TOGARAM1: variants seen among roughly 807,000 people sequenced by gnomAD.
TOGARAM1 encodes the protein TOG array regulator of axonemal microtubules protein 1.
In TOGARAM1, 100 loss-of-function variants were observed where a neutral mutation model predicts 166.6. The ratio of observed to expected loss-of-function variants is 0.60; its 90% confidence interval spans 0.51 to 0.71. The LOEUF (loss-of-function observed/expected upper bound fraction) is 0.71. TOGARAM1 is among the 30% of genes least tolerant of loss of function. The pLI is 0.00. For synonymous variants in TOGARAM1, 758 were observed against 763.8 expected, an observed-to-expected ratio of 0.99 and a Z score of 0.13; for missense variants, 2,029 against 2,102.7, an observed-to-expected ratio of 0.96 and a Z score of 0.69.
chr14:44,985,667 T>G (rs1476761383), intron 1 of TOGARAM1, among the ~76,000 whole-genome samples: 1 of 152,232 alleles, frequency 6.6e-6, no homozygotes, highest in Non-Finnish European at 1.5e-5. Flanking sequence ...CATTTGAAGC[T>G]TTGCTCCCTT....
chr14:44,991,872 TA>T (rs1887153217), intron 1 of TOGARAM1, among the ~76,000 whole-genome samples: 1 of 151,920 alleles, frequency 6.6e-6, no homozygotes, highest in African/African-American at 2.4e-5. Context: ...TTGCATTTTT[TA>T]AATTTAATTT....
chr14:45,002,835 C>G (rs944468611), intron 3 of TOGARAM1, among the ~76,000 whole-genome samples: 5 of 152,002 alleles, frequency 3.3e-5, no homozygotes, highest in African/African-American at 7.2e-5. Flanking sequence ...AAAAACTAGC[C>G]GGACATGGTG....
At position 45,044,805 on chromosome 14, in the gene TOGARAM1, G is replaced by A. The variant is rs1189569054; in HGVS notation, c.4089G>A (p.Leu1363=). 2 of 1,614,052 alleles carry A rather than the reference G, an allele frequency of 1.2e-6. No homozygotes were observed. Among genetic ancestry groups the A allele is most frequent in the East Asian group, 2.2e-5 (1 of 44,854 alleles). ...TAAGAGAAGATGTTGACAAAGCATT[G>A]AGAGCTATGGTTAATAATGTAACTC... is the stretch of plus-strand genomic sequence containing the variant. ...TFIREDVDKA[L]RAMVNNVTPA... is the part of the protein sequence containing the mutation. Residue 1363 remains leucine, a synonymous_variant, in exon 13 of 20, where the codon TTG becomes TTA. Transcript: ENST00000361462.
intron 7 of TOGARAM1, 127 bp downstream of exon 7, chr14:45,012,202 C>T (rs1879848744): frequency 3.5e-6 from 2 of 567,946 alleles, no homozygotes; most frequent in South Asian, 6.8e-5. Flanking sequence ...CATTTTTTTA[C>T]TCCTTAAAAG....
chr14:45,021,085 C>G (rs1286760764), intron 7 of TOGARAM1, among the ~76,000 whole-genome samples: 1 of 152,018 alleles, frequency 6.6e-6, no homozygotes, highest in Non-Finnish European at 1.5e-5. Context: ...TGCTATGTAC[C>G]CGGGTCAGTT....
chr14:45,009,105 ACTT>A lies in TOGARAM1; in HGVS notation c.3103_3105del (p.Ser1035del), dbSNP rs757551695. The A allele has an allele frequency of 7.4e-6, 12 of 1,613,942 alleles. No homozygotes were observed. The South Asian group carries it at 7.7e-5, about 10-fold the overall frequency. ...TGGAGTTTACAGCCAAGAATCATTG[ACTT>A]CTTCTCTGTCTACAACTCCCCAGGG... is the stretch of plus-strand genomic sequence containing the variant. On this transcript the variant is annotated inframe_deletion, in exon 6 of 20. Transcript: ENST00000361462.
chr14:44,962,854 G>C lies in TOGARAM1; in HGVS notation c.433G>C (p.Val145Leu). The C allele has an allele frequency of 6.2e-7, 1 of 1,613,586 alleles. No individual in the cohort carries two copies. Among genetic ancestry groups the C allele is most frequent in the Non-Finnish European group, 8.5e-7 (1 of 1,180,044 alleles). ...GTATCGGGCACTGGGCCGAGTGCTT[G>C]TGGAAGGAGGTAGTGATGAGAAGCG... ...ALYRALGRVLVEGGSDEKRLC... is the reference protein window; with the variant it reads ...ALYRALGRVLLEGGSDEKRLC... The change falls in exon 1 of 20, where the codon GTG becomes CTG. Residue 145 changes from valine to leucine, a missense_variant. Physicochemically the swap from Val to Leu is conservative, Grantham distance 32. Transcript: ENST00000361462.
At chr14:45,016,838 A>C (rs1594658024) in intron 7 of TOGARAM1, among the ~76,000 whole-genome samples, 1 of 152,248 alleles carries the variant, frequency 6.6e-6, no homozygotes, top group Non-Finnish European at 1.5e-5. Context: ...ATAATGTTAT[A>C]GTTCCTAATA....
chr14:45,027,371 A>G lies in TOGARAM1; in HGVS notation c.3401A>G (p.Asp1134Gly). Residue 1134 changes from aspartate to glycine, a missense_variant, in exon 9 of 20, where the codon GAT becomes GGT. By Grantham distance (94) the Asp-to-Gly change is moderately conservative (BLOSUM62 -1). Around this residue, in one of 2 missense-constraint regions of TOGARAM1, gnomAD observed 1,453 missense variants for 1,432.2 expected, o/e 1.01. Transcript: ENST00000361462. Reference sequence around the variant, plus strand: ...GTGATATCTTCTGTGGAAAATGGGGATACATTTTCAATTAAACAAAGTATT... The same window carrying G: ...GTGATATCTTCTGTGGAAAATGGGGGTACATTTTCAATTAAACAAAGTATT... ...QSVISSVENG[D>G]TFSIKQSIEP... 6.2e-7 allele frequency: 1 copy of G among 1,613,524 alleles called. No homozygotes were observed. Among genetic ancestry groups the G allele is most frequent in the Non-Finnish European group, 8.5e-7 (1 of 1,179,674 alleles).
intron 1 of TOGARAM1, among the ~76,000 whole-genome samples, chr14:44,976,949 T>A (rs912090751): frequency 6.6e-6 from 1 of 152,174 alleles, no homozygotes; most frequent in African/African-American, 2.4e-5. Flanking sequence ...ATTAGTATTT[T>A]AAAAATACCA....
chr14:45,058,470 CT>C (rs1302408077), intron 16 of TOGARAM1, among the ~76,000 whole-genome samples: 1 of 151,806 alleles, frequency 6.6e-6, no homozygotes, highest in African/African-American at 2.4e-5. Context: ...AATTTTTGTA[CT>C]TTTAGTAGAG....
At chr14:45,004,971 G>A (rs907782460) in intron 4 of TOGARAM1, among the ~76,000 whole-genome samples, 2 of 151,712 alleles carry the variant, frequency 1.3e-5, no homozygotes, top group African/African-American at 4.8e-5. Flanking sequence ...TGCCCAGACT[G>A]GAGTGCAATG....
At chr14:45,058,087 G>A (rs1882726369) in intron 16 of TOGARAM1, among the ~76,000 whole-genome samples, 1 of 152,066 alleles carries the variant, frequency 6.6e-6, no homozygotes, top group Non-Finnish European at 1.5e-5. Context: ...TCTTTCTTTA[G>A]GTCTAGTAAA....
At chr14:44,977,568 C>G (rs9323106) in intron 1 of TOGARAM1, among the ~76,000 whole-genome samples, 1 of 151,990 alleles carries the variant, frequency 6.6e-6, no homozygotes, top group Non-Finnish European at 1.5e-5. Flanking sequence ...AAATTCATAG[C>G]TCTTCCTATG....
Position 45,027,444 on chromosome 14 carries a change from A to T in TOGARAM1, c.3474A>T (p.Ser1158=). The change falls in exon 9 of 20, where the codon TCA becomes TCT. Residue 1158 remains serine, a synonymous_variant. Coordinates refer to ENST00000361462, the MANE Select transcript of TOGARAM1 (RefSeq NM_001308120.2). ...IYGRSVQQNI[S]SYLDVENEKD... is the part of the protein sequence containing the mutation. ...GAAGATCAGTCCAGCAAAATATTTC[A>T]TCATATCTTGATGTTGAGAATGAAA... is the stretch of plus-strand genomic sequence containing the variant. The T allele has an allele frequency of 1.2e-6, 2 of 1,609,618 alleles. No homozygotes were observed. The highest frequency in any genetic ancestry group is 1.7e-6 in the Non-Finnish European group (2 of 1,178,410).
At chr14:45,013,709 C>T in intron 7 of TOGARAM1, among the ~76,000 whole-genome samples, 1 of 152,116 alleles carries the variant, frequency 6.6e-6, no homozygotes, top group East Asian at 1.9e-4. Flanking sequence ...TGTATTTGTC[C>T]TCTAAGGGGA....
rs529661170 is a variant in TOGARAM1 at position 44,970,820 on chromosome 14, T to A, written c.2046+6353T>A. 5.9e-5 allele frequency among the ~76,000 whole-genome samples: 9 copies of A among 152,306 alleles called. No individual in the cohort carries two copies. The South Asian group carries it at 1.9e-3, about 32-fold the overall frequency. On this transcript the variant is annotated intron_variant, in intron 1 of 19. Transcript: ENST00000361462. The stretch of plus-strand genomic sequence containing the variant: ...ATGTGATTTTTCTTCTTAAACCTGA[T>A]GATGTGATGGGTTATATTAATTGAT...
Position 45,042,999 on chromosome 14 carries a change from A to G in TOGARAM1, c.3813-687A>G, listed in dbSNP as rs570246817. Among the ~76,000 whole-genome samples, 8 of 152,322 alleles carry G rather than the reference A, an allele frequency of 5.3e-5. No homozygotes were observed. The East Asian group carries it at 1.5e-3, about 29-fold the overall frequency. ...ATAACTTCAATTCTGAAAATTTAGC[A>G]CCTAAGAATCATACTGGTTTTGAAA... On this transcript the variant is annotated intron_variant, in intron 11 of 19. Transcript: ENST00000361462.
At chr14:45,022,147 G>A (rs900328968) in intron 7 of TOGARAM1, among the ~76,000 whole-genome samples, 6 of 151,902 alleles carry the variant, frequency 3.9e-5, no homozygotes, top group Admixed American at 2.6e-4. Context: ...GATAGTCCCT[G>A]GGTTACTGTT....
Sources: gnomAD v4.1 joint callset for allele counts (sites outside exome capture counted in the v4.1 genomes callset) on GRCh38, gnomAD v4.1.1 for gene constraint, gnomAD v4.1.1 regional missense constraint, MANE v1.5 for transcripts, NCBI Gene and HGNC (gene_info 2026-07-23, HGNC 2026-07-21) for gene names.